The following IL6R variants were observed in gnomAD, a reference collection of about 807,000 sequenced individuals.
The protein encoded by IL6R is interleukin-6 receptor subunit alpha.
IL6R carries 38 observed loss-of-function variants against 48.3 expected under a neutral mutation model. That is an observed-to-expected ratio of 0.79 (90% CI 0.61 to 1.03). The LOEUF (loss-of-function observed/expected upper bound fraction) is 1.03. Ranked by LOEUF, IL6R falls within the 50% of genes least tolerant of loss-of-function variation. The probability of loss-of-function intolerance (pLI) is 0.00; values close to 1 mark genes in which losing one functional copy is unlikely to be tolerated. For synonymous variants in IL6R, 264 were observed against 256.2 expected, an observed-to-expected ratio of 1.03 and a Z score of -0.29; for missense variants, 534 against 618.3, an observed-to-expected ratio of 0.86 and a Z score of 1.45.
At chr1:154,417,368 C>T (rs188748973) in intron 1 of IL6R, among the ~76,000 whole-genome samples, 2 of 152,264 alleles carry the variant, frequency 1.3e-5, no homozygotes, top group African/African-American at 4.8e-5. Context: ...CCTGTATAGC[C>T]TTAAAACAGC....
chr1:154,458,537 T>C (rs1286297086), intron 9 of IL6R, among the ~76,000 whole-genome samples: 1 of 151,978 alleles, frequency 6.6e-6, no homozygotes, highest in African/African-American at 2.4e-5. Context: ...ACAGGCCCTA[T>C]AGAGTAGAGT....
At chr1:154,422,335 G>A (rs1688717350) in intron 1 of IL6R, among the ~76,000 whole-genome samples, 1 of 152,138 alleles carries the variant, frequency 6.6e-6, no homozygotes, top group Non-Finnish European at 1.5e-5. Flanking sequence ...ATTTATCAAG[G>A]CCCCAATAAA....
At position 154,412,580 on chromosome 1, in the gene IL6R, A is replaced by C. The variant is rs577892202; in HGVS notation, c.85+6866A>C. Among the ~76,000 whole-genome samples, 3 of 152,236 alleles carry C rather than the reference A, an allele frequency of 2.0e-5. No individual in the cohort carries two copies. In the East Asian group the frequency reaches 5.8e-4, roughly 29 times the overall value. On this transcript the variant is annotated intron_variant, in intron 1 of 9. Transcript: ENST00000368485. Reference sequence around the variant, plus strand: ...GCCTTTAAAAGCCTATTTTGATGGGAGGAGGGGGATGCTATAATGTGAGGA... The same window carrying C: ...GCCTTTAAAAGCCTATTTTGATGGGCGGAGGGGGATGCTATAATGTGAGGA...
chr1:154,420,165 G>A (rs1254184709), intron 1 of IL6R, among the ~76,000 whole-genome samples: 1 of 152,028 alleles, frequency 6.6e-6, no homozygotes, highest in Non-Finnish European at 1.5e-5. Flanking sequence ...GGGATGATCT[G>A]GTCATCATCC....
At chr1:154,434,023 G>A (rs1445543885) in intron 3 of IL6R, among the ~76,000 whole-genome samples, 8 of 149,728 alleles carry the variant, frequency 5.3e-5, no homozygotes, top group Non-Finnish European at 8.9e-5. Flanking sequence ...CACCGCGCCC[G>A]GCCTTATTTC....
chr1:154,409,629 G>A (rs751993269), intron 1 of IL6R, among the ~76,000 whole-genome samples: 2 of 152,110 alleles, frequency 1.3e-5, no homozygotes, highest in Non-Finnish European at 2.9e-5. Context: ...ATAAGTGTAG[G>A]TGATCATTCA....
intron 1 of IL6R, among the ~76,000 whole-genome samples, chr1:154,420,999 G>T (rs1688629813): frequency 1.3e-5 from 2 of 152,236 alleles, no homozygotes; most frequent in African/African-American, 2.4e-5. Context: ...AGGCAATACT[G>T]CCTCCTTTTG....
At position 154,447,454 on chromosome 1, in the gene IL6R, AAT is replaced by A. The variant is rs1299735875; in HGVS notation, c.950-649_950-648del. On this transcript the variant is annotated intron_variant, in intron 6 of 9. Coordinates refer to ENST00000368485, the MANE Select transcript of IL6R (RefSeq NM_000565.4). The stretch of plus-strand genomic sequence containing the variant: ...ACTCCATCTCAAAAAAAAAAAAAAA[AAT>A]ATATATATATATATATATATACACA... Among the ~76,000 whole-genome samples, 360 of 70,064 alleles carry A rather than the reference AAT, an allele frequency of 5.1e-3. 8 individuals are homozygous for A. The highest frequency in any genetic ancestry group is 0.029 in the South Asian group (76 of 2,602). 46.0% of individuals were successfully genotyped at this position (70,064 alleles called of 152,430 possible).
chr1:154,437,222 G>A (rs1160587529), intron 6 of IL6R, among the ~76,000 whole-genome samples: 1 of 151,918 alleles, frequency 6.6e-6, no homozygotes, highest in Non-Finnish European at 1.5e-5. Context: ...TCAGCCTGCC[G>A]AGCAGCCGGG....
chr1:154,448,272 C>A, intron 7 of IL6R, 101 bp downstream of exon 7: 1 of 884,854 alleles, frequency 1.1e-6, no homozygotes, highest in Non-Finnish European at 1.9e-6. Flanking sequence ...AGTTCTGTCA[C>A]TAGTAGAAAT....
intron 9 of IL6R, among the ~76,000 whole-genome samples, chr1:154,454,817 G>A (rs147596600): frequency 3.5e-4 from 53 of 152,324 alleles, no homozygotes; most frequent in African/African-American, 1.3e-3. Context: ...GACACGAAGA[G>A]GTAATCACTA....
At chr1:154,447,510 T>TACACAC (rs1558323639) in intron 6 of IL6R, among the ~76,000 whole-genome samples, 10 of 122,766 alleles carry the variant, frequency 8.1e-5, no homozygotes, top group Non-Finnish European at 1.5e-4. Context: ...CACATATATA[T>TACACAC]ATACACACAT....
intron 1 of IL6R, among the ~76,000 whole-genome samples, chr1:154,418,113 G>A (rs1031110937): frequency 3.3e-5 from 5 of 151,876 alleles, no homozygotes; most frequent in African/African-American, 1.2e-4. Flanking sequence ...CAGGTGATCC[G>A]CCAGCCTCAG....
intron 6 of IL6R, among the ~76,000 whole-genome samples, chr1:154,439,292 G>A (rs76093405): frequency 0.019 from 2,895 of 152,214 alleles, 46 homozygotes; most frequent in Non-Finnish European, 0.027. Context: ...ATTGTAAAAT[G>A]TACATAAGAT....
intron 1 of IL6R, among the ~76,000 whole-genome samples, chr1:154,407,792 G>A (rs1034275888): frequency 6.6e-6 from 1 of 152,126 alleles, no homozygotes; most frequent in African/African-American, 2.4e-5. Flanking sequence ...AGGTGTACTC[G>A]TTGTCTAAGG....
chr1:154,441,125 G>A (rs558983002), intron 6 of IL6R, among the ~76,000 whole-genome samples: 2 of 152,230 alleles, frequency 1.3e-5, no homozygotes, highest in Non-Finnish European at 2.9e-5. Flanking sequence ...TTCTTTTGGA[G>A]TTCCCAGACC....
chr1:154,456,830 G>C (rs1472018872), intron 9 of IL6R, among the ~76,000 whole-genome samples: 5 of 152,118 alleles, frequency 3.3e-5, no homozygotes, highest in African/African-American at 1.2e-4. Flanking sequence ...GCTGAACCCT[G>C]TGGGGATCCA....
chr1:154,418,580 G>A (rs1163211409), intron 1 of IL6R: 1 of 200,430 alleles, frequency 5.0e-6, no homozygotes, highest in Non-Finnish European at 8.9e-6. Flanking sequence ...AGTCAGAGAA[G>A]GTTGCTGGGC....
rs576385829 is a variant in IL6R, at chr1:154,429,891, T to G, written c.334+447T>G. On this transcript the variant is annotated intron_variant, in intron 2 of 9. Coordinates refer to ENST00000368485, the MANE Select transcript of IL6R (RefSeq NM_000565.4). ...CACATATGCTGCTAAAAAGTCTGCA[T>G]AGCCCATCCTAAGCTCTCAAATTAG... 1.7e-4 allele frequency among the ~76,000 whole-genome samples: 26 copies of G among 152,312 alleles called. 1 individual carries two copies. The South Asian group carries it at 5.2e-3, about 30-fold the overall frequency.
Sources: allele counts gnomAD v4.1 joint callset (sites outside exome capture counted in the v4.1 genomes callset), GRCh38; gene constraint gnomAD v4.1.1; transcripts MANE v1.5; gene names NCBI Gene and HGNC (gene_info 2026-07-23, HGNC 2026-07-21).